The following TBC1D8 variants were observed in gnomAD, a reference collection of about 807,000 sequenced individuals.
TBC1D8 encodes the protein BUB2-like protein 1.
Under a neutral mutation model 118.8 loss-of-function variants are expected in TBC1D8, and 65 were observed. The observed-to-expected ratio is 0.55, with a 90% CI of 0.45 to 0.67. TBC1D8 has a LOEUF of 0.67. Among genes scored for constraint, TBC1D8 ranks in the 30% least tolerant of loss-of-function variants. The pLI is 0.00. For synonymous variants in TBC1D8, 566 were observed against 595.8 expected, an observed-to-expected ratio of 0.95 and a Z score of 0.73; for missense variants, 1,376 against 1,471.2, an observed-to-expected ratio of 0.94 and a Z score of 1.06.
chr2:101,089,817 G>C (rs150990093), intron 2 of TBC1D8, among the ~76,000 whole-genome samples: 1 of 151,440 alleles, frequency 6.6e-6, no homozygotes, highest in African/African-American at 2.4e-5. Context: ...AAAATGGCTC[G>C]ATTCGTTATC....
chr2:101,089,988 G>A (rs1458129120), intron 2 of TBC1D8, among the ~76,000 whole-genome samples: 1 of 148,214 alleles, frequency 6.7e-6, no homozygotes, highest in African/African-American at 2.5e-5. Context: ...GCAGAAAGGA[G>A]AGGAGAGGAG....
At chr2:101,065,975 A>G (rs1682991048) in intron 2 of TBC1D8, among the ~76,000 whole-genome samples, 1 of 152,174 alleles carries the variant, frequency 6.6e-6, no homozygotes, top group South Asian at 2.1e-4. Context: ...CCAAGACATA[A>G]AACAGCTATT....
At chr2:101,112,414 A>T (rs948379295) in intron 1 of TBC1D8, among the ~76,000 whole-genome samples, 2 of 152,374 alleles carry the variant, frequency 1.3e-5, no homozygotes, top group Non-Finnish European at 2.9e-5. Flanking sequence ...CGTCGTGAAC[A>T]GATGATTCAA....
intron 1 of TBC1D8, among the ~76,000 whole-genome samples, chr2:101,102,756 T>C (rs1422694174): frequency 6.6e-6 from 1 of 151,922 alleles, no homozygotes; most frequent in African/African-American, 2.4e-5. Flanking sequence ...AAGAGGGGTA[T>C]TACAGGCCAG....
At chr2:101,054,432 G>T in intron 3 of TBC1D8, 96 bp from the exon 4 acceptor site, 1 of 1,263,196 alleles carries the variant, frequency 7.9e-7, no homozygotes, top group Non-Finnish European at 1.1e-6. Flanking sequence ...AGGTGCACAG[G>T]CCCCCGAGAA....
At chr2:101,107,882 G>C (rs1355980608) in intron 1 of TBC1D8, among the ~76,000 whole-genome samples, 1 of 152,066 alleles carries the variant, frequency 6.6e-6, no homozygotes, top group Non-Finnish European at 1.5e-5. Context: ...CATCAATAAA[G>C]GTAAGTCATG....
At position 101,137,958 on chromosome 2, in the gene TBC1D8, A is replaced by T. The variant is rs544605046; in HGVS notation, c.127+13169T>A. ...GTAATTTCTAAAGAAAAGAGGTTTAATTGGCTCACAGTTCCACAGGCTGTA... is the reference window on the plus strand; with the variant it reads ...GTAATTTCTAAAGAAAAGAGGTTTATTTGGCTCACAGTTCCACAGGCTGTA... On this transcript the variant is annotated intron_variant, in intron 1 of 19. Transcript: ENST00000409318. Among the ~76,000 whole-genome samples, 305 of 152,326 alleles carry T rather than the reference A, an allele frequency of 2.0e-3. 2 individuals are homozygous for T. The highest frequency in any genetic ancestry group is 3.7e-3 in the Non-Finnish European group (250 of 68,030).
chr2:101,133,052 C>T lies in TBC1D8; in HGVS notation c.127+18075G>A, dbSNP rs1001598867. Among the ~76,000 whole-genome samples, 108 of 150,102 alleles carry T rather than the reference C, an allele frequency of 7.2e-4. 1 individual carries two copies. Among genetic ancestry groups the T allele is most frequent in the Admixed American group, 2.7e-4 (4 of 15,054 alleles). ...GCGGGCGCCTGTAATCCCAGCTACT[C>T]GGGAGGCTGAGGCAGGAGAATTGCT... On this transcript the variant is annotated intron_variant, in intron 1 of 19. Coordinates refer to ENST00000409318, the MANE Select transcript of TBC1D8 (RefSeq NM_001330348.2).
chr2:101,123,886 A>T (rs112138242), intron 1 of TBC1D8, among the ~76,000 whole-genome samples: 2 of 152,162 alleles, frequency 1.3e-5, no homozygotes, highest in African/African-American at 4.8e-5. Flanking sequence ...GCACATCAGC[A>T]TACTCACCAA....
chr2:101,056,197 T>TATC (rs2105419725), intron 3 of TBC1D8, among the ~76,000 whole-genome samples: 1 of 72,906 alleles, frequency 1.4e-5, no homozygotes, highest in South Asian at 4.1e-4. Context: ...AATGTAAAAT[T>TATC]ATTATTATTA....
chr2:101,058,133 GT>G (rs1422843134), intron 3 of TBC1D8, among the ~76,000 whole-genome samples: 3 of 152,168 alleles, frequency 2.0e-5, no homozygotes, highest in Non-Finnish European at 4.4e-5. Flanking sequence ...GTGAGCCACA[GT>G]TGGCTGGGCC....
chr2:101,129,604 A>T (rs12468712), intron 1 of TBC1D8, among the ~76,000 whole-genome samples: 100,843 of 151,840 alleles, frequency 0.66, 33,840 homozygotes, highest in East Asian at 0.78. Flanking sequence ...GGGTTTCTAG[A>T]TTTGCTAGAA....
intron 2 of TBC1D8, among the ~76,000 whole-genome samples, chr2:101,072,540 G>A (rs1674520152): frequency 6.6e-6 from 1 of 152,196 alleles, no homozygotes; most frequent in Non-Finnish European, 1.5e-5. Context: ...TTTTGTGGGA[G>A]ACAATTTTTC....
chr2:101,008,402 A>G, intron 19 of TBC1D8, 129 bp from the exon 20 acceptor site: 1 of 753,840 alleles, frequency 1.3e-6, no homozygotes, highest in Non-Finnish European at 2.0e-6. Flanking sequence ...AAGAAAAGGT[A>G]GTCTCTGCCT....
chr2:101,008,033 G>C lies in TBC1D8; in HGVS notation c.3256C>G (p.Gln1086Glu). 6.2e-7 allele frequency: 1 copy of C among 1,613,938 alleles called. No homozygotes were observed. The change falls in exon 20 of 20, where the codon CAG (glutamine) becomes GAG (glutamate). Residue 1086 changes from glutamine to glutamate, a missense_variant. Physicochemically the swap from Gln to Glu is conservative, Grantham distance 29. Transcript: ENST00000409318. ...CTTTCTGCCGCCTCTGGAAATGCCT[G>C]GGAGTCCTGGGGCGTCTTCCCAGTG... is the stretch of plus-strand genomic sequence containing the variant. ...ADTGKTPQDSQAFPEAAERDW... is the reference protein window; with the variant it reads ...ADTGKTPQDSEAFPEAAERDW...
intron 5 of TBC1D8, among the ~76,000 whole-genome samples, chr2:101,040,866 A>AT (rs2105400593): frequency 6.6e-6 from 1 of 152,390 alleles, no homozygotes; most frequent in East Asian, 1.9e-4. Context: ...GGCATCCCAC[A>AT]TTCTAACTGC....
intron 12 of TBC1D8, among the ~76,000 whole-genome samples, 194 bp downstream of exon 12, chr2:101,029,297 G>T (rs1380157227): frequency 2.0e-5 from 3 of 152,018 alleles, no homozygotes; most frequent in Non-Finnish European, 4.4e-5. Context: ...ACTGAGGCAG[G>T]AGAATCATTT....
At chr2:101,127,132 C>T (rs554335571) in intron 1 of TBC1D8, among the ~76,000 whole-genome samples, 25 of 152,206 alleles carry the variant, frequency 1.6e-4, no homozygotes, top group African/African-American at 5.1e-4. Flanking sequence ...GTCAGGCATT[C>T]GAGACCAGCC....
rs767404298 is a variant in TBC1D8 at position 101,010,943 on chromosome 2, G to A, written c.3001C>T (p.Pro1001Ser). 1.2e-6 allele frequency: 2 copies of A among 1,611,778 alleles called. No homozygotes were observed. The highest frequency in any genetic ancestry group is 2.2e-5 in the South Asian group (2 of 91,070). ...AAAGTCCATACCTGGCTCATTTTGG[G>A]CAATTCTTTCTCAGTTTTATCTTTT... ...KEKDKTEKEL[P>S]KMSQREFIQF... Residue 1001 changes from proline to serine, a missense_variant, in exon 19 of 20, where the codon CCC becomes TCC. By Grantham distance (74) the Pro-to-Ser change is moderately conservative (BLOSUM62 -1). Coordinates refer to ENST00000409318, the MANE Select transcript of TBC1D8 (RefSeq NM_001330348.2).
Sources: allele counts gnomAD v4.1 joint callset (sites outside exome capture counted in the v4.1 genomes callset), GRCh38; gene constraint gnomAD v4.1.1; transcripts MANE v1.5; gene names NCBI Gene and HGNC (gene_info 2026-07-23, HGNC 2026-07-21).